Variants in STX18 observed in about 807,000 individuals in gnomAD.
STX18 encodes the protein syntaxin 18, also known as syntaxin-18.
STX18 carries 40 observed loss-of-function variants against 50.1 expected under a neutral mutation model. The observed-to-expected ratio is 0.80, with a 90% CI of 0.62 to 1.04. The LOEUF (loss-of-function observed/expected upper bound fraction) is 1.04. Ranked by LOEUF, STX18 falls within the 50% of genes least tolerant of loss-of-function variation. The pLI, the probability that STX18 is intolerant of heterozygous loss-of-function variation, is 0.00. For missense variants in STX18, 410 were observed against 415.8 expected, an observed-to-expected ratio of 0.99 and a Z score of 0.12; for synonymous variants, 158 against 151.8, an observed-to-expected ratio of 1.04 and a Z score of -0.30.
intron 1 of STX18, among the ~76,000 whole-genome samples, chr4:4,504,430 T>G (rs914685653): frequency 2.0e-5 from 3 of 152,194 alleles, no homozygotes; most frequent in Admixed American, 6.5e-5. Context: ...TGCCAGACTT[T>G]ATTAGGCACT....
chr4:4,439,606 C>G (rs904422685), intron 5 of STX18, among the ~76,000 whole-genome samples: 1 of 138,790 alleles, frequency 7.2e-6, no homozygotes, highest in African/African-American at 2.8e-5. Flanking sequence ...CACACACATA[C>G]CCCCCAACAT....
At chr4:4,445,694 A>G (rs1327673873) in intron 5 of STX18, among the ~76,000 whole-genome samples, 1 of 152,180 alleles carries the variant, frequency 6.6e-6, no homozygotes, top group Non-Finnish European at 1.5e-5. Flanking sequence ...AATAAAGTGG[A>G]AGACAGAAAT....
At chr4:4,522,495 A>T (rs1730552097) in intron 1 of STX18, among the ~76,000 whole-genome samples, 1 of 152,226 alleles carries the variant, frequency 6.6e-6, no homozygotes, top group African/African-American at 2.4e-5. Flanking sequence ...ATCCCTGACC[A>T]TAATGGGGAG....
intron 2 of STX18, chr4:4,461,801 A>G (rs1330617267): frequency 2.2e-6 from 1 of 451,488 alleles, no homozygotes; most frequent in East Asian, 7.0e-5. Flanking sequence ...AACTTCCCCA[A>G]ATGACACCTT....
chr4:4,462,456 A>C (rs1158899826), intron 2 of STX18, among the ~76,000 whole-genome samples: 1 of 152,172 alleles, frequency 6.6e-6, no homozygotes, highest in Non-Finnish European at 1.5e-5. Context: ...GGTGTGACTG[A>C]CCCCAAAGCC....
chr4:4,465,537 T>C (rs1267096454), intron 2 of STX18, among the ~76,000 whole-genome samples: 2 of 152,208 alleles, frequency 1.3e-5, no homozygotes, highest in Non-Finnish European at 2.9e-5. Flanking sequence ...TTCTCACTTA[T>C]AAATGGGAGC....
intron 1 of STX18, among the ~76,000 whole-genome samples, chr4:4,482,340 G>T (rs1728502105): frequency 6.6e-6 from 1 of 152,118 alleles, no homozygotes; most frequent in Non-Finnish European, 1.5e-5. Flanking sequence ...TACTGCCACT[G>T]TGTGTCCCAC....
intron 8 of STX18, 60 bp from the exon 9 acceptor site, chr4:4,423,647 T>C: frequency 6.6e-7 from 1 of 1,514,526 alleles, no homozygotes; most frequent in South Asian, 1.1e-5. Context: ...AACAGGACTG[T>C]TACACACTTC....
intron 2 of STX18, among the ~76,000 whole-genome samples, chr4:4,460,969 G>A (rs1268651975): frequency 1.3e-5 from 2 of 152,122 alleles, no homozygotes; most frequent in South Asian, 2.1e-4. Context: ...CCTTCTCATC[G>A]GAAATAGAGG....
intron 1 of STX18, among the ~76,000 whole-genome samples, chr4:4,511,075 G>A (rs1160552154): frequency 6.6e-6 from 1 of 152,178 alleles, no homozygotes; most frequent in Non-Finnish European, 1.5e-5. Flanking sequence ...AAACCTATAT[G>A]ACGGGTTGAC....
At chr4:4,521,944 A>ATT (rs1001545170) in intron 1 of STX18, among the ~76,000 whole-genome samples, 27 of 152,282 alleles carry the variant, frequency 1.8e-4, no homozygotes, top group Admixed American at 6.5e-4. Flanking sequence ...CCACAACTTA[A>ATT]TTATCTGCAG....
chr4:4,501,348 C>A (rs1052133077), intron 1 of STX18, among the ~76,000 whole-genome samples: 1 of 152,222 alleles, frequency 6.6e-6, no homozygotes, highest in Non-Finnish European at 1.5e-5. Context: ...CCTAGGCAGG[C>A]AGGCCACACT....
At chr4:4,540,922 A>G (rs1731556558) in intron 1 of STX18, among the ~76,000 whole-genome samples, 1 of 152,218 alleles carries the variant, frequency 6.6e-6, no homozygotes, top group South Asian at 2.1e-4. Flanking sequence ...TCAATCTTCC[A>G]AAGCTCTGAA....
At chr4:4,494,295 T>C (rs746781961) in intron 1 of STX18, among the ~76,000 whole-genome samples, 4 of 152,192 alleles carry the variant, frequency 2.6e-5, no homozygotes, top group Non-Finnish European at 4.4e-5. Flanking sequence ...GCTTCAATCC[T>C]TGCTAATAAA....
chr4:4,462,693 T>TAA, intron 2 of STX18, among the ~76,000 whole-genome samples: 1 of 138,888 alleles, frequency 7.2e-6, no homozygotes. Flanking sequence ...AAAACCACCT[T>TAA]AAAAAAAAAA....
rs566251668 is a variant in STX18 at position 4,514,728 on chromosome 4, C to T, written c.168+27069G>A. Among the ~76,000 whole-genome samples the T allele has an allele frequency of 3.9e-5, 6 of 152,064 alleles. No individual in the cohort carries two copies. In the South Asian group the frequency reaches 1.0e-3, roughly 26 times the overall value. On this transcript the variant is annotated intron_variant, in intron 1 of 10. Transcript: ENST00000306200. Reference sequence around the variant, plus strand: ...AATCCAAACCACCAAAGGAGGTACCCATACATTAGGTAATGAAAGCAGGAA... The same window carrying T: ...AATCCAAACCACCAAAGGAGGTACCTATACATTAGGTAATGAAAGCAGGAA...
chr4:4,489,715 C>T (rs1366484181), intron 1 of STX18, among the ~76,000 whole-genome samples: 1 of 152,026 alleles, frequency 6.6e-6, no homozygotes, highest in Non-Finnish European at 1.5e-5. Flanking sequence ...AAATGGATTG[C>T]TCCTTAAGTG....
chr4:4,462,930 C>A (rs1309085717), intron 2 of STX18, among the ~76,000 whole-genome samples: 1 of 152,186 alleles, frequency 6.6e-6, no homozygotes, highest in East Asian at 1.9e-4. Context: ...CTGCAGTAGT[C>A]TGGGAACACT....
intron 1 of STX18, among the ~76,000 whole-genome samples, chr4:4,540,876 G>A (rs535082615): frequency 6.6e-6 from 1 of 152,274 alleles, no homozygotes; most frequent in East Asian, 1.9e-4. Flanking sequence ...GATTTACTGT[G>A]AAATTAATGA....
Sources: gnomAD v4.1 joint callset for allele counts (sites outside exome capture counted in the v4.1 genomes callset) on GRCh38, gnomAD v4.1.1 for gene constraint, MANE v1.5 for transcripts, NCBI Gene and HGNC (gene_info 2026-07-23, HGNC 2026-07-21) for gene names.